The following ZNF804B variants were observed in gnomAD, a reference collection of about 807,000 sequenced individuals.
The protein encoded by ZNF804B is zinc finger 804B.
Under a neutral mutation model 101.4 loss-of-function variants are expected in ZNF804B, and 80 were observed. The observed-to-expected ratio is 0.79, with a 90% confidence interval of 0.66 to 0.95. The LOEUF (loss-of-function observed/expected upper bound fraction) is 0.95. Ranked by LOEUF, ZNF804B falls within the 40% of genes least tolerant of loss-of-function variation. The pLI is 0.00. For synonymous variants in ZNF804B, 622 were observed against 558.8 expected (o/e 1.11, Z -1.59); for missense variants, 1,673 against 1,561.9 (o/e 1.07, Z -1.20).
At chr7:88,989,484 A>G (rs1469387714) in intron 1 of ZNF804B, among the ~76,000 whole-genome samples, 2 of 152,072 alleles carry the variant, frequency 1.3e-5, no homozygotes, top group Admixed American at 6.5e-5. Flanking sequence ...CTAATCTCCT[A>G]TTTCTCTCAA....
chr7:88,796,034 G>A (rs1687611548), intron 1 of ZNF804B, among the ~76,000 whole-genome samples: 1 of 151,974 alleles, frequency 6.6e-6, no homozygotes, highest in African/African-American at 2.4e-5. Context: ...AAGACTTCAG[G>A]AACACATATC....
intron 1 of ZNF804B, among the ~76,000 whole-genome samples, chr7:89,032,477 T>C (rs868057621): frequency 6.6e-6 from 1 of 152,152 alleles, no homozygotes; most frequent in South Asian, 2.1e-4. Flanking sequence ...ATGAGATAGA[T>C]AGTACAGGTT....
At chr7:88,923,782 T>C (rs142341899) in intron 1 of ZNF804B, among the ~76,000 whole-genome samples, 2 of 152,232 alleles carry the variant, frequency 1.3e-5, no homozygotes, top group East Asian at 3.9e-4. Context: ...TGTATAGACA[T>C]ATATAAAATA....
chr7:88,930,968 A>AT (rs1306604597), intron 1 of ZNF804B, among the ~76,000 whole-genome samples: 2 of 151,876 alleles, frequency 1.3e-5, no homozygotes, highest in Non-Finnish European at 2.9e-5. Flanking sequence ...GTTAGCCATT[A>AT]TATTAGCCTT....
At chr7:89,119,826 A>G (rs756991610) in intron 1 of ZNF804B, among the ~76,000 whole-genome samples, 3 of 152,236 alleles carry the variant, frequency 2.0e-5, no homozygotes, top group Non-Finnish European at 2.9e-5. Flanking sequence ...TCAATTAAAA[A>G]TACATAATTA....
chr7:88,865,138 G>T (rs1355583161), intron 1 of ZNF804B, among the ~76,000 whole-genome samples: 1 of 149,142 alleles, frequency 6.7e-6, no homozygotes, highest in Non-Finnish European at 1.5e-5. Flanking sequence ...TGAGGCAGAA[G>T]AATCACTTGA....
At chr7:88,884,463 A>G (rs547463607) in intron 1 of ZNF804B, among the ~76,000 whole-genome samples, 3 of 151,702 alleles carry the variant, frequency 2.0e-5, no homozygotes, top group Non-Finnish European at 3.0e-5. Flanking sequence ...TCTATCTTCT[A>G]TCTATCTAAT....
chr7:89,200,777 G>A (rs775970288), intron 1 of ZNF804B, among the ~76,000 whole-genome samples: 26 of 151,980 alleles, frequency 1.7e-4, no homozygotes, highest in Middle Eastern at 3.4e-3. Flanking sequence ...TTACAGCACC[G>A]CAACCCTGAT....
chr7:88,790,062 A>G (rs1160440440), intron 1 of ZNF804B, among the ~76,000 whole-genome samples: 1 of 152,126 alleles, frequency 6.6e-6, no homozygotes, highest in Non-Finnish European at 1.5e-5. Flanking sequence ...TCTGTACTCA[A>G]GTATTCATAT....
At chr7:88,953,665 G>T (rs1439281676) in intron 1 of ZNF804B, among the ~76,000 whole-genome samples, 1 of 151,658 alleles carries the variant, frequency 6.6e-6, no homozygotes, top group Admixed American at 6.6e-5. Flanking sequence ...CTGTTTGCAT[G>T]AATGTGATTA....
chr7:88,948,086 G>A (rs538922038), intron 1 of ZNF804B, among the ~76,000 whole-genome samples: 1 of 151,956 alleles, frequency 6.6e-6, no homozygotes, highest in South Asian at 2.1e-4. Context: ...CTACTTAATG[G>A]TAGATGGTAA....
intron 2 of ZNF804B, among the ~76,000 whole-genome samples, chr7:89,219,397 G>A (rs1355936480): frequency 1.3e-5 from 2 of 149,756 alleles, no homozygotes; most frequent in African/African-American, 5.1e-5. Flanking sequence ...TTGAAAACAG[G>A]CAAACAAAAA....
intron 1 of ZNF804B, among the ~76,000 whole-genome samples, chr7:88,858,750 A>G (rs968539596): frequency 6.6e-6 from 1 of 152,190 alleles, no homozygotes; most frequent in Non-Finnish European, 1.5e-5. Context: ...GAGACATTTT[A>G]GCGTGGATAA....
At chr7:89,101,591 A>C (rs1236919167) in intron 1 of ZNF804B, among the ~76,000 whole-genome samples, 1 of 152,002 alleles carries the variant, frequency 6.6e-6, no homozygotes, top group Non-Finnish European at 1.5e-5. Context: ...AAATTTTACT[A>C]GTTTTATTAC....
intron 1 of ZNF804B, among the ~76,000 whole-genome samples, chr7:89,019,942 A>G (rs1339592007): frequency 2.7e-5 from 4 of 150,348 alleles, no homozygotes; most frequent in Non-Finnish European, 4.5e-5. Context: ...ATCAATTTAT[A>G]CCCAAGGATA....
chr7:88,784,825 T>G (rs1052616372), intron 1 of ZNF804B, among the ~76,000 whole-genome samples: 1 of 152,188 alleles, frequency 6.6e-6, no homozygotes, highest in African/African-American at 2.4e-5. Context: ...TTGTTGAGTA[T>G]TCTCCTCTTT....
chr7:89,325,151 G>A (rs1790879323), intron 2 of ZNF804B, among the ~76,000 whole-genome samples: 2 of 151,836 alleles, frequency 1.3e-5, no homozygotes, highest in Admixed American at 1.3e-4. Flanking sequence ...TCACAGAGAT[G>A]CATTGTTCAG....
intron 1 of ZNF804B, among the ~76,000 whole-genome samples, chr7:89,103,121 T>C (rs1790086595): frequency 6.9e-6 from 1 of 145,646 alleles, no homozygotes; most frequent in African/African-American, 2.5e-5. Flanking sequence ...AAACTTGTAG[T>C]ATAATTTGAA....
At chr7:88,924,549 C>A (rs551985185) in intron 1 of ZNF804B, among the ~76,000 whole-genome samples, 1 of 152,204 alleles carries the variant, frequency 6.6e-6, no homozygotes, top group East Asian at 1.9e-4. Context: ...CTCTATACCC[C>A]CTGCATTTAC....
Sources: gnomAD v4.1 joint callset for allele counts (sites outside exome capture counted in the v4.1 genomes callset) on GRCh38, gnomAD v4.1.1 for gene constraint, MANE v1.5 for transcripts, NCBI Gene and HGNC (gene_info 2026-07-23, HGNC 2026-07-21) for gene names.